ZNF277: variants seen among roughly 807,000 people sequenced by gnomAD.
ZNF277 encodes the protein nuclear receptor-interacting factor 4.
Under a neutral mutation model 60.7 loss-of-function variants are expected in ZNF277, and 55 were observed. The observed-to-expected ratio is 0.91, with a 90% CI of 0.73 to 1.13. ZNF277 has a LOEUF of 1.13. Ranked by LOEUF, ZNF277 falls within the 50% of genes most tolerant of loss-of-function variation. The probability of loss-of-function intolerance (pLI) is 0.00; values close to 1 mark genes in which losing one functional copy is unlikely to be tolerated. For missense variants in ZNF277, 510 were observed against 523.0 expected, an observed-to-expected ratio of 0.98 and a Z score of 0.24; for synonymous variants, 178 against 179.3, an observed-to-expected ratio of 0.99 and a Z score of 0.06.
At chr7:112,272,219 A>G (rs1156678444) in intron 1 of ZNF277, among the ~76,000 whole-genome samples, 1 of 152,196 alleles carries the variant, frequency 6.6e-6, no homozygotes, top group Non-Finnish European at 1.5e-5. Context: ...TTCACTTAAC[A>G]TAATAACCTC....
intron 1 of ZNF277, among the ~76,000 whole-genome samples, chr7:112,265,789 A>T (rs1034667623): frequency 1.3e-5 from 2 of 152,090 alleles, no homozygotes; most frequent in Admixed American, 1.3e-4. Context: ...CAGTTTTTTT[A>T]TTCAGAAAAT....
At chr7:112,273,619 G>A (rs1791729944) in intron 1 of ZNF277, among the ~76,000 whole-genome samples, 1 of 152,142 alleles carries the variant, frequency 6.6e-6, no homozygotes, top group Non-Finnish European at 1.5e-5. Context: ...ACCGGTCAAG[G>A]CTTCTATTCA....
At chr7:112,285,131 G>A (rs1042363402) in intron 1 of ZNF277, among the ~76,000 whole-genome samples, 2 of 152,052 alleles carry the variant, frequency 1.3e-5, no homozygotes, top group Non-Finnish European at 1.5e-5. Flanking sequence ...CTGGGTTCAA[G>A]CAATTCTCCT....
intron 1 of ZNF277, among the ~76,000 whole-genome samples, chr7:112,247,501 GC>G (rs1050157992): frequency 2.0e-5 from 3 of 152,120 alleles, no homozygotes; most frequent in Non-Finnish European, 4.4e-5. Context: ...TGAATAATAA[GC>G]TAGAATGTTT....
At chr7:112,219,960 G>A (rs559973621) in intron 1 of ZNF277, among the ~76,000 whole-genome samples, 8 of 152,296 alleles carry the variant, frequency 5.3e-5, no homozygotes, top group South Asian at 4.1e-4. Context: ...GATTACTACG[G>A]TTTGGTAGAT....
At chr7:112,244,594 G>A (rs1214796664) in intron 1 of ZNF277, among the ~76,000 whole-genome samples, 1 of 151,948 alleles carries the variant, frequency 6.6e-6, no homozygotes, top group Non-Finnish European at 1.5e-5. Flanking sequence ...AATATACACA[G>A]AAATAAAAAG....
chr7:112,321,858 TG>T (rs1315253381), intron 5 of ZNF277, among the ~76,000 whole-genome samples: 1 of 152,166 alleles, frequency 6.6e-6, no homozygotes, highest in Non-Finnish European at 1.5e-5. Flanking sequence ...TACTAAGGAC[TG>T]CCTGCCTGTA....
intron 2 of ZNF277, among the ~76,000 whole-genome samples, chr7:112,293,544 C>T (rs1336450230): frequency 6.7e-6 from 1 of 149,318 alleles, no homozygotes; most frequent in Non-Finnish European, 1.5e-5. Context: ...CACTCCACTG[C>T]ACTCCAGCCT....
intron 1 of ZNF277, among the ~76,000 whole-genome samples, chr7:112,279,008 A>T (rs1791882098): frequency 6.6e-6 from 1 of 152,124 alleles, no homozygotes; most frequent in African/African-American, 2.4e-5. Context: ...TCCTTCTGTG[A>T]CTGGCTTATT....
At chr7:112,228,128 G>A (rs541471538) in intron 1 of ZNF277, among the ~76,000 whole-genome samples, 3 of 152,032 alleles carry the variant, frequency 2.0e-5, no homozygotes, top group African/African-American at 7.2e-5. Flanking sequence ...CTGGCAGCGT[G>A]ACTCCAGTCT....
chr7:112,247,644 A>G (rs1791114439), intron 1 of ZNF277, among the ~76,000 whole-genome samples: 1 of 152,060 alleles, frequency 6.6e-6, no homozygotes, highest in African/African-American at 2.4e-5. Context: ...AATTTATTAT[A>G]ATTTAGAATT....
chr7:112,322,830 A>G (rs563886566), intron 5 of ZNF277, among the ~76,000 whole-genome samples: 9 of 152,124 alleles, frequency 5.9e-5, no homozygotes, highest in Non-Finnish European at 1.2e-4. Flanking sequence ...TTTAAGTAAT[A>G]TAATGTGGCA....
At chr7:112,330,364 G>A in intron 7 of ZNF277, 148 bp downstream of exon 7, 1 of 718,136 alleles carries the variant, frequency 1.4e-6, no homozygotes, top group Non-Finnish European at 2.3e-6. Context: ...GCTTTGAAAT[G>A]GTTAGAGTAC....
intron 1 of ZNF277, among the ~76,000 whole-genome samples, chr7:112,230,959 A>G (rs1169351891): frequency 6.6e-6 from 1 of 152,140 alleles, no homozygotes; most frequent in African/African-American, 2.4e-5. Flanking sequence ...TGACACCTGT[A>G]ATCCCAGCAC....
Position 112,229,066 on chromosome 7 carries a change from GAGTGTTTGTT to G in ZNF277, c.91+22264_91+22273del, listed in dbSNP as rs1822253778. Among the ~76,000 whole-genome samples the G allele has an allele frequency of 2.0e-5, 3 of 152,314 alleles. 1 individual carries two copies. In the South Asian group the frequency reaches 6.2e-4, roughly 32 times the overall value. ...TTTGTATTTATATCATTCAAATATA[GAGTGTTTGTT>G]AGTGACATGGAAAGAAGTCAATTAG... On this transcript the variant is annotated intron_variant, in intron 1 of 11. Coordinates refer to ENST00000361822, the MANE Select transcript of ZNF277 (RefSeq NM_021994.3).
chr7:112,283,013 G>A (rs957221410), intron 1 of ZNF277, among the ~76,000 whole-genome samples: 3 of 152,132 alleles, frequency 2.0e-5, no homozygotes, highest in Non-Finnish European at 2.9e-5. Flanking sequence ...AGTCATAGTG[G>A]GGTAGCAGGT....
intron 3 of ZNF277, 123 bp from the exon 4 acceptor site, chr7:112,296,106 A>T: frequency 1.0e-6 from 1 of 995,288 alleles, no homozygotes. Context: ...ATAAAGCTAA[A>T]ACAGTTCTAT....
At chr7:112,222,687 G>A (rs565178546) in intron 1 of ZNF277, among the ~76,000 whole-genome samples, 17 of 152,264 alleles carry the variant, frequency 1.1e-4, no homozygotes, top group African/African-American at 3.9e-4. Context: ...GTGGGACTGA[G>A]TACTGCAAGC....
At chr7:112,253,205 G>T (rs960115767) in intron 1 of ZNF277, among the ~76,000 whole-genome samples, 4 of 152,126 alleles carry the variant, frequency 2.6e-5, no homozygotes, top group African/African-American at 7.2e-5. Context: ...GTAAATCTTG[G>T]TCCTCTGTTG....
Sources: gnomAD v4.1 joint callset for allele counts (sites outside exome capture counted in the v4.1 genomes callset) on GRCh38, gnomAD v4.1.1 for gene constraint, MANE v1.5 for transcripts, NCBI Gene and HGNC (gene_info 2026-07-23, HGNC 2026-07-21) for gene names.